ANK3: variants seen among roughly 807,000 people sequenced by gnomAD.
The protein encoded by ANK3 is ankyrin-3.
ANK3 carries 57 observed loss-of-function variants against 370.9 expected under a neutral mutation model. The observed-to-expected ratio is 0.15, with a 90% CI of 0.12 to 0.19. ANK3 has a LOEUF of 0.19. ANK3 is among the 10% of genes least tolerant of loss of function. The pLI is 1.00. For synonymous variants in ANK3, 1,929 were observed against 1,946.3 expected (o/e 0.99, Z 0.23); for missense variants, 4,439 against 5,302.1 (o/e 0.84, Z 5.06).
intron 1 of ANK3, among the ~76,000 whole-genome samples, chr10:60,355,889 C>G (rs1341032633): frequency 2.0e-5 from 3 of 150,238 alleles, no homozygotes; most frequent in South Asian, 2.1e-4. Flanking sequence ...CCTGTCTTCT[C>G]AAGATTCCTT....
chr10:60,727,681 C>A (rs764749695), intron 1 of ANK3, among the ~76,000 whole-genome samples: 3 of 152,084 alleles, frequency 2.0e-5, no homozygotes, highest in Non-Finnish European at 4.4e-5. Context: ...CATAATCCAT[C>A]ATCCTAACAT....
intron 40 of ANK3, chr10:60,062,491 A>G (rs764427773): frequency 6.6e-6 from 1 of 152,226 alleles, no homozygotes; most frequent in Non-Finnish European, 1.5e-5. Context: ...TGAATTAGAA[A>G]TTATGCTGCC....
intron 1 of ANK3, among the ~76,000 whole-genome samples, chr10:60,688,998 A>C (rs538303543): frequency 1.2e-3 from 182 of 152,258 alleles, no homozygotes; most frequent in African/African-American, 4.3e-3. Flanking sequence ...AACCTAGAAA[A>C]TACTTTCAGT....
intron 25 of ANK3, among the ~76,000 whole-genome samples, chr10:60,123,702 T>A (rs1306829883): frequency 6.6e-6 from 1 of 152,186 alleles, no homozygotes; most frequent in Non-Finnish European, 1.5e-5. Flanking sequence ...AGGCTAATGT[T>A]AACAGCAACC....
intron 2 of ANK3, among the ~76,000 whole-genome samples, chr10:60,410,022 C>T (rs2063527702): frequency 6.6e-6 from 1 of 152,118 alleles, no homozygotes; most frequent in Non-Finnish European, 1.5e-5. Context: ...CCCCTCTCCA[C>T]CTAGATTATG....
chr10:60,696,178 T>C (rs1197666693), intron 1 of ANK3, among the ~76,000 whole-genome samples: 4 of 149,740 alleles, frequency 2.7e-5, no homozygotes, highest in Admixed American at 2.0e-4. Context: ...CCTCGACACA[T>C]ACACTCTCCC....
In ANK3 at chr10:60,070,122, T is replaced by C. The variant is rs1231536152; in HGVS notation, c.10759A>G (p.Thr3587Ala). The part of the protein sequence containing the change: ...ATTPDTTPAR[T>A]PTDESTPTSE... ...GTTGGGGTACTTTCATCAGTTGGCG[T>C]TCTGGCTGGCGTTGTATCAGGGGTT... is the stretch of plus-strand genomic sequence containing the variant. Residue 3587 changes from threonine to alanine, a missense_variant, in exon 37 of 44, where the codon ACG (threonine) becomes GCG (alanine). Coordinates refer to ENST00000280772, the MANE Select transcript of ANK3 (RefSeq NM_020987.5). This position sits in a 1 kb window ranked among gnomAD's most constrained non-coding sequence, Gnocchi z 5.7. 6.2e-7 allele frequency: 1 copy of C among 1,614,126 alleles called. No individual in the cohort carries two copies. The highest frequency in any genetic ancestry group is 1.1e-5 in the South Asian group (1 of 91,080).
At chr10:60,492,243 C>T (rs1257545723) in intron 2 of ANK3, among the ~76,000 whole-genome samples, 2 of 152,180 alleles carry the variant, frequency 1.3e-5, no homozygotes, top group Non-Finnish European at 2.9e-5. Flanking sequence ...TTATATTCCT[C>T]TCATAAAGCA....
intron 1 of ANK3, among the ~76,000 whole-genome samples, chr10:60,366,677 C>A (rs962765838): frequency 1.3e-5 from 2 of 152,172 alleles, no homozygotes; most frequent in Non-Finnish European, 2.9e-5. Flanking sequence ...GGGAGGAAAT[C>A]ACTCAGGATT....
At chr10:60,648,585 A>G (rs533823913) in intron 1 of ANK3, among the ~76,000 whole-genome samples, 33 of 150,168 alleles carry the variant, frequency 2.2e-4, no homozygotes, top group Non-Finnish European at 4.2e-4. Context: ...CCTGGCCAAC[A>G]TAGTGAAATC....
chr10:60,288,871 G>A (rs2040636696), intron 1 of ANK3, among the ~76,000 whole-genome samples: 1 of 144,032 alleles, frequency 6.9e-6, no homozygotes, highest in Non-Finnish European at 1.5e-5. Context: ...GTGCCTCAAG[G>A]ATCTCCCAGG....
intron 1 of ANK3, chr10:60,300,570 A>G: frequency 8.5e-7 from 1 of 1,175,860 alleles, no homozygotes; most frequent in South Asian, 1.6e-5. Context: ...TATAAACAGC[A>G]TAGTACCTCC....
chr10:60,292,193 A>C (rs2132758242), intron 1 of ANK3, among the ~76,000 whole-genome samples: 1 of 152,316 alleles, frequency 6.6e-6, no homozygotes, highest in East Asian at 1.9e-4. Flanking sequence ...GATTCAAATA[A>C]ATAAGTAAGC....
Position 60,575,303 on chromosome 10 carries a change from G to A in ANK3, c.96+39883C>T, listed in dbSNP as rs77736959. On this transcript the variant is annotated intron_variant, in intron 2 of 43. Transcript: ENST00000373827. The stretch of plus-strand genomic sequence containing the variant: ...GTATTCATTTGTATATGTAAGGTTC[G>A]TATTACAAGCTGAAGTGCTCTCTGC... 6.8e-3 allele frequency among the ~76,000 whole-genome samples: 1,034 copies of A among 151,720 alleles called. 12 individuals are homozygous for A. Among genetic ancestry groups the A allele is most frequent in the Middle Eastern group, 0.024 (7 of 294 alleles).
chr10:60,277,913 T>A lies in ANK3; in HGVS notation c.414+861A>T, dbSNP rs561689703. On this transcript the variant is annotated intron_variant, in intron 4 of 43. Coordinates refer to ENST00000280772, the MANE Select transcript of ANK3 (RefSeq NM_020987.5). Reference sequence around the variant, plus strand: ...GTTTTAAATGTGGTCATGTCCTTAGTGAATATTTTTGAATTATGATGATGT... The same window carrying A: ...GTTTTAAATGTGGTCATGTCCTTAGAGAATATTTTTGAATTATGATGATGT... Among the ~76,000 whole-genome samples, 4 of 152,368 alleles carry A rather than the reference T, an allele frequency of 2.6e-5. No homozygotes were observed. The East Asian group carries it at 7.7e-4, about 29-fold the overall frequency.
intron 2 of ANK3, chr10:60,572,698 G>C (rs950699398): frequency 1.4e-6 from 2 of 1,426,058 alleles, no homozygotes; most frequent in African/African-American, 2.9e-5. Context: ...AGAGACGCGG[G>C]CTGCTAATGT....
intron 2 of ANK3, among the ~76,000 whole-genome samples, chr10:60,469,031 G>GTATATATATATATA (rs71015795): frequency 8.6e-5 from 1 of 11,622 alleles, no homozygotes; most frequent in East Asian, 2.2e-3. Context: ...CACTTTTAGT[G>GTATATATATATATA]TATATATATA....
intron 24 of ANK3, among the ~76,000 whole-genome samples, chr10:60,136,017 T>C (rs1448084697): frequency 1.3e-5 from 2 of 151,652 alleles, no homozygotes; most frequent in Non-Finnish European, 2.9e-5. Context: ...GAGGAACTTA[T>C]CTAGTAAGCC....
intron 1 of ANK3, among the ~76,000 whole-genome samples, chr10:60,290,918 C>A (rs947797788): frequency 6.6e-6 from 1 of 152,134 alleles, no homozygotes; most frequent in African/African-American, 2.4e-5. Flanking sequence ...AAGAGATTTA[C>A]CTTGCCATAT....
Sources: gnomAD v4.1 joint callset for allele counts (sites outside exome capture counted in the v4.1 genomes callset) on GRCh38, gnomAD v4.1.1 for gene constraint, Gnocchi (gnomAD v3.1) non-coding constraint, MANE v1.5 for transcripts, NCBI Gene and HGNC (gene_info 2026-07-23, HGNC 2026-07-21) for gene names.